Variants in ZSCAN23 observed in about 807,000 individuals in gnomAD.
ZSCAN23 encodes the protein zinc finger and SCAN domain-containing protein 23.
ZSCAN23 carries 19 observed loss-of-function variants against 19.3 expected under a neutral mutation model. The ratio of observed to expected loss-of-function variants is 0.99; its 90% CI spans 0.69 to 1.45. The LOEUF (loss-of-function observed/expected upper bound fraction) is 1.45, where lower values mean the gene tolerates loss of function less well. Among genes scored for constraint, ZSCAN23 ranks in the 40% most tolerant of loss-of-function variants. The pLI is 0.00. For synonymous variants in ZSCAN23, 140 were observed against 166.2 expected, an observed-to-expected ratio of 0.84 and a Z score of 1.21; for missense variants, 372 against 462.5, an observed-to-expected ratio of 0.80 and a Z score of 1.79.
At chr6:28,435,700 A>G in intron 2 of ZSCAN23, 93 bp from the exon 3 acceptor site, 15 of 1,448,064 alleles carry the variant, frequency 1.0e-5, no homozygotes, top group Non-Finnish European at 1.4e-5. Context: ...AGAAGGACCA[A>G]GAAGCTGGCA....
At chr6:28,432,561 C>T (rs746636415), downstream of ZSCAN23, 3 of 152,130 alleles carry the variant, frequency 2.0e-5, no homozygotes, top group African/African-American at 7.2e-5. Context: ...TGGTTGCCCA[C>T]GCCTTGTTTC....
chr6:28,425,757 G>C, the ZSCAN23 span, among the ~76,000 whole-genome samples: 8 of 152,290 alleles, frequency 5.3e-5, no homozygotes, highest in South Asian at 1.2e-3. Context: ...TCTAGTTATG[G>C]AAGTCCAAGA....
At chr6:28,421,500 G>A in the ZSCAN23 span, among the ~76,000 whole-genome samples, 2 of 152,112 alleles carry the variant, frequency 1.3e-5, no homozygotes, top group Non-Finnish European at 1.5e-5. Context: ...TATAGGTATT[G>A]AGGATCAATA....
In ZSCAN23 at chr6:28,435,572, T is replaced by C; in HGVS notation, c.444A>G (p.Val148=). The C allele has an allele frequency of 6.4e-7, 1 of 1,551,736 alleles. No individual in the cohort carries two copies. Among genetic ancestry groups the C allele is most frequent in the Non-Finnish European group, 8.7e-7 (1 of 1,147,002 alleles). ...CTGCTCCTGGAGTTGCCTTCTCCTT[T>C]ACAAACTCTTCCTGTTCATGAGCAT... ...LSHAHEQEEF[V]KEKATPGAAQ... is the part of the protein sequence containing the mutation. Residue 148 remains valine, a synonymous_variant, in exon 3 of 4, where the codon GTA becomes GTG. Transcript: ENST00000289788.
At chr6:28,436,506 G>A (rs900020828) in intron 1 of ZSCAN23, among the ~76,000 whole-genome samples, 163 bp from the exon 2 acceptor site, 10 of 151,988 alleles carry the variant, frequency 6.6e-5, no homozygotes, top group Non-Finnish European at 1.3e-4. Flanking sequence ...GATAATATAG[G>A]AAGAAAAAAG....
At chr6:28,426,031 G>A in the ZSCAN23 span, among the ~76,000 whole-genome samples, 1 of 152,200 alleles carries the variant, frequency 6.6e-6, no homozygotes, top group African/African-American at 2.4e-5. Context: ...AGAAAGTTAG[G>A]ACCCTGCTGT....
chr6:28,438,767 T>C (rs923927608), intron 1 of ZSCAN23, among the ~76,000 whole-genome samples: 3 of 152,134 alleles, frequency 2.0e-5, no homozygotes, highest in Non-Finnish European at 2.9e-5. Context: ...CCACGACACA[T>C]GGGGATTATG....
chr6:28,435,513 A>G lies in ZSCAN23; in HGVS notation c.503T>C (p.Leu168Ser). 1.3e-6 allele frequency: 2 copies of G among 1,551,888 alleles called. No individual in the cohort carries two copies. The change falls in exon 3 of 4, where the codon TTG becomes TCG. Residue 168 changes from leucine to serine, a missense_variant. Leu to Ser is a moderately radical substitution (Grantham distance 145). Coordinates refer to ENST00000289788, the MANE Select transcript of ZSCAN23 (RefSeq NM_001012455.2). ...QESSNDQFQT[L>S]EEQLGYNLRE... ...CAAATTATACCCAAGTTGCTCTTCC[A>G]AGGTTTGGAATTGGTCATTTGATGA... is the stretch of plus-strand genomic sequence containing the variant.
rs769938278 is a variant in ZSCAN23, at chr6:28,435,946, C to T, written c.321G>A (p.Trp107Ter). 1.2e-6 allele frequency: 2 copies of T among 1,614,190 alleles called. No homozygotes were observed. Among genetic ancestry groups the T allele is most frequent in the East Asian group, 2.2e-5 (1 of 44,884 alleles). Residue 107 changes from tryptophan (W) to a stop codon, truncating the protein, a stop_gained, in exon 2 of 4, where the codon TGG becomes TGA. Coordinates refer to ENST00000289788, the MANE Select transcript of ZSCAN23 (RefSeq NM_001012455.2). LOFTEE classifies it high-confidence loss of function. ...CACTCACAGGACGGTGCTGTCTGAC[C>T]CAGGCCTGGAGCTCCTCAGGCAGGA... ...LTILPEELQA[W>*]VRQHRPVSGE...
intron 1 of ZSCAN23, among the ~76,000 whole-genome samples, chr6:28,440,877 C>A (rs1438156528): frequency 6.6e-6 from 1 of 152,108 alleles, no homozygotes; most frequent in Non-Finnish European, 1.5e-5. Context: ...GGCCTTAATA[C>A]CCAGATCCTT....
chr6:28,422,922 C>G, the ZSCAN23 span, among the ~76,000 whole-genome samples: 1 of 152,206 alleles, frequency 6.6e-6, no homozygotes, highest in Non-Finnish European at 1.5e-5. The surrounding 1 kb of genome is among the most constrained non-coding windows in gnomAD (Gnocchi z 4.0). Flanking sequence ...CCTCAGCGTT[C>G]TCCTTAACAG....
At chr6:28,422,327 C>T in the ZSCAN23 span, among the ~76,000 whole-genome samples, 1 of 151,934 alleles carries the variant, frequency 6.6e-6, no homozygotes, top group African/African-American at 2.4e-5. This position sits in a 1 kb window ranked among gnomAD's most constrained non-coding sequence, Gnocchi z 4.0. Context: ...AGGCCAGTTA[C>T]AAAATAATTC....
At position 28,436,042 on chromosome 6, in the gene ZSCAN23, C is replaced by T. The variant is rs1334753101; in HGVS notation, c.225G>A (p.Gln75=). 6.2e-7 allele frequency: 1 copy of T among 1,614,226 alleles called. No homozygotes were observed. The highest frequency in any genetic ancestry group is 8.5e-7 in the Non-Finnish European group (1 of 1,180,036). The change falls in exon 2 of 4, where the codon CAG becomes CAA. Residue 75 remains glutamine (Q), a synonymous_variant. Coordinates refer to ENST00000289788, the MANE Select transcript of ZSCAN23 (RefSeq NM_001012455.2). ...TGGTGTGCATCTCTGGTCTCAGCCACTGATGGCAGAGCTCCTGGAGTCTTT... is the reference window on the plus strand; with the variant it reads ...TGGTGTGCATCTCTGGTCTCAGCCATTGATGGCAGAGCTCCTGGAGTCTTT... ...ALQRLQELCH[Q]WLRPEMHTKE...
At chr6:28,439,614 A>G (rs1292588092) in intron 1 of ZSCAN23, among the ~76,000 whole-genome samples, 1 of 152,214 alleles carries the variant, frequency 6.6e-6, no homozygotes, top group Non-Finnish European at 1.5e-5. Context: ...TCCTAATAAC[A>G]GTATTAATAA....
intron 1 of ZSCAN23, 61 bp from the exon 2 acceptor site, chr6:28,436,404 G>A (rs1384702269): frequency 1.1e-6 from 1 of 879,424 alleles, no homozygotes; most frequent in African/African-American, 1.7e-5. Context: ...GACAAGGAGG[G>A]ACTGGAGTAT....
In ZSCAN23 at chr6:28,434,313, G is replaced by C; in HGVS notation, c.*152C>G. ...GTATTGCAAAGCTGTGGATGTCACT[G>C]ATCAGAGAACTCGGCAGATGTATTT... On this transcript the variant is annotated 3_prime_UTR_variant, in exon 4 of 4. Coordinates refer to ENST00000289788, the MANE Select transcript of ZSCAN23 (RefSeq NM_001012455.2). The C allele has an allele frequency of 1.1e-6, 1 of 873,706 alleles. No homozygotes were observed. Among genetic ancestry groups the C allele is most frequent in the Non-Finnish European group, 1.7e-6 (1 of 592,076 alleles). 54.1% of individuals were successfully genotyped at this position (873,706 alleles called of 1,614,324 possible).
At chr6:28,442,866 TAG>T (rs1348840582) in intron 1 of ZSCAN23, among the ~76,000 whole-genome samples, 2 of 152,184 alleles carry the variant, frequency 1.3e-5, no homozygotes, top group African/African-American at 4.8e-5. Context: ...GTCTATCTCA[TAG>T]AGTTATGAGA....
chr6:28,433,315 CT>C lies in ZSCAN23; in HGVS notation c.*1149del, dbSNP rs1761798228. On this transcript the variant is annotated 3_prime_UTR_variant, in exon 4 of 4. Transcript: ENST00000289788. ...GTTCTAGTTCCAGCTCTGCTTTTAA[CT>C]GGCTGTATGATCTTAGTTACTTCCC... The C allele has an allele frequency of 6.6e-6, 1 of 152,092 alleles. No individual in the cohort carries two copies. Among genetic ancestry groups the C allele is most frequent in the African/African-American group, 2.4e-5 (1 of 41,398 alleles). The allele number at this position is 152,092 out of a possible 1,614,324, so 9.4% of individuals were successfully genotyped here. A position where few individuals can be genotyped will look rare whatever the true frequency, so the allele number is the denominator to read the frequency against.
At chr6:28,430,122 G>T (rs992584743), downstream of ZSCAN23, among the ~76,000 whole-genome samples, 1 of 126,644 alleles carries the variant, frequency 7.9e-6, no homozygotes, top group Admixed American at 8.1e-5. Context: ...CCCTGCTGAA[G>T]ACACTTGACT....
Sources: gnomAD v4.1 joint callset for allele counts (sites outside exome capture counted in the v4.1 genomes callset) on GRCh38, gnomAD v4.1.1 for gene constraint, Gnocchi (gnomAD v3.1) non-coding constraint, MANE v1.5 for transcripts, NCBI Gene and HGNC (gene_info 2026-07-23, HGNC 2026-07-21) for gene names.